RAB38: variants seen among roughly 807,000 people sequenced by gnomAD.
RAB38 encodes the protein ras-related protein Rab-38.
Under a neutral mutation model 18.4 loss-of-function variants are expected in RAB38, and 15 were observed. The observed-to-expected ratio is 0.82, with a 90% CI of 0.55 to 1.26. The LOEUF (loss-of-function observed/expected upper bound fraction) is 1.26. Ranked by LOEUF, RAB38 falls within the 50% of genes most tolerant of loss-of-function variation. The pLI, the probability that RAB38 is intolerant of heterozygous loss-of-function variation, is 0.00. For missense variants in RAB38, 294 were observed against 267.4 expected (o/e 1.10, Z -0.69); for synonymous variants, 101 against 104.4 (o/e 0.97, Z 0.20).
At chr11:88,114,464 T>G (rs966744505) in intron 2 of RAB38, among the ~76,000 whole-genome samples, 2 of 152,246 alleles carry the variant, frequency 1.3e-5, no homozygotes, top group Admixed American at 6.5e-5. Flanking sequence ...AGAAGAAACA[T>G]AAACCTTTAA....
chr11:87,918,295 A>G, the RAB38 span, among the ~76,000 whole-genome samples: 1 of 152,248 alleles, frequency 6.6e-6, no homozygotes, highest in Admixed American at 6.5e-5. Flanking sequence ...TCACTGATGA[A>G]CACTTAGATT....
intron 2 of RAB38, among the ~76,000 whole-genome samples, chr11:88,120,349 C>T (rs996639087): frequency 7.2e-5 from 11 of 152,174 alleles, no homozygotes; most frequent in African/African-American, 2.4e-4. Flanking sequence ...TTGCTCTCTT[C>T]TTAGAGTCTA....
At chr11:87,883,775 A>C in the RAB38 span, among the ~76,000 whole-genome samples, 2 of 152,082 alleles carry the variant, frequency 1.3e-5, no homozygotes, top group Admixed American at 1.3e-4. Context: ...AGCTATTAGA[A>C]GGTGTCATGA....
At chr11:87,839,177 T>G in the RAB38 span, among the ~76,000 whole-genome samples, 1 of 152,232 alleles carries the variant, frequency 6.6e-6, no homozygotes, top group Non-Finnish European at 1.5e-5. Flanking sequence ...AGTGCTTTTA[T>G]TGTCTCTACC....
chr11:88,047,726 C>T, the RAB38 span, among the ~76,000 whole-genome samples: 1 of 152,176 alleles, frequency 6.6e-6, no homozygotes, highest in South Asian at 2.1e-4. Context: ...CACCAGATCC[C>T]ATTGCTCAGG....
chr11:87,876,960 G>C, the RAB38 span, among the ~76,000 whole-genome samples: 1 of 151,532 alleles, frequency 6.6e-6, no homozygotes. Flanking sequence ...GGCATTAGAA[G>C]AAATCTTAAA....
chr11:87,895,766 G>A, the RAB38 span, among the ~76,000 whole-genome samples: 3 of 151,518 alleles, frequency 2.0e-5, no homozygotes, highest in Non-Finnish European at 4.4e-5. Context: ...TGGCCACTGA[G>A]CCACAAAAAA....
the RAB38 span, among the ~76,000 whole-genome samples, chr11:87,888,447 A>G: frequency 1.3e-5 from 2 of 152,068 alleles, no homozygotes; most frequent in African/African-American, 4.8e-5. Flanking sequence ...TCCTAGTTCT[A>G]TCACTCTTTA....
chr11:87,864,694 T>G, the RAB38 span, among the ~76,000 whole-genome samples: 1 of 151,928 alleles, frequency 6.6e-6, no homozygotes, highest in Admixed American at 6.6e-5. Flanking sequence ...ATGATACCAG[T>G]TATTTGGAAT....
the RAB38 span, among the ~76,000 whole-genome samples, chr11:88,031,588 GACAA>G: frequency 1.3e-5 from 2 of 151,716 alleles, no homozygotes; most frequent in Admixed American, 6.6e-5. Context: ...ACCAATAACA[GACAA>G]ACAGAGAGCC....
Position 88,114,045 on chromosome 11 carries a change from C to T in RAB38, c.579G>A (p.Val193=). The T allele has an allele frequency of 6.2e-7, 1 of 1,614,184 alleles. No homozygotes were observed. The highest frequency in any genetic ancestry group is 1.7e-5 in the Admixed American group (1 of 60,016). ...DLMESIEPDV[V]KPHLTSTKVA... ...CCTTGGTTGATGTGAGATGGGGCTTCACGACGTCCGGCTCAATAGACTCCA... is the reference window on the plus strand; with the variant it reads ...CCTTGGTTGATGTGAGATGGGGCTTTACGACGTCCGGCTCAATAGACTCCA... Residue 193 remains valine (V), a synonymous_variant, in exon 3 of 3, where the codon GTG becomes GTA. Transcript: ENST00000243662.
chr11:88,154,820 A>C (rs1412482532), intron 1 of RAB38, among the ~76,000 whole-genome samples: 3 of 152,100 alleles, frequency 2.0e-5, no homozygotes, highest in Non-Finnish European at 4.4e-5. Context: ...TCTGGCCACC[A>C]CACCTGTCCT....
the RAB38 span, among the ~76,000 whole-genome samples, chr11:88,067,959 T>TTA: frequency 7.4e-6 from 1 of 134,352 alleles, no homozygotes; most frequent in African/African-American, 2.9e-5. Flanking sequence ...ATATATATAC[T>TTA]TATATATATA....
chr11:87,813,513 A>T, the RAB38 span, among the ~76,000 whole-genome samples: 2 of 151,786 alleles, frequency 1.3e-5, no homozygotes, highest in Non-Finnish European at 2.9e-5. Context: ...ACACACACAC[A>T]CACACACACA....
At chr11:88,075,380 A>T in the RAB38 span, among the ~76,000 whole-genome samples, 1 of 152,348 alleles carries the variant, frequency 6.6e-6, no homozygotes, top group South Asian at 2.1e-4. Context: ...ATCAGAAATC[A>T]ATAAAAAAGA....
At chr11:88,043,677 G>A in the RAB38 span, among the ~76,000 whole-genome samples, 6 of 120,444 alleles carry the variant, frequency 5.0e-5, no homozygotes, top group African/African-American at 9.3e-5. Context: ...CTTATAAAAT[G>A]TCCCCACCCC....
At chr11:87,825,667 A>G in the RAB38 span, among the ~76,000 whole-genome samples, 5 of 152,144 alleles carry the variant, frequency 3.3e-5, no homozygotes, top group African/African-American at 9.7e-5. Flanking sequence ...TTTTTGGTGA[A>G]CACAACTCAG....
the RAB38 span, among the ~76,000 whole-genome samples, chr11:87,860,702 A>C: frequency 1.3e-5 from 2 of 151,988 alleles, no homozygotes; most frequent in African/African-American, 4.8e-5. Context: ...TACAAATGAA[A>C]AAAACTTCAA....
At chr11:88,060,506 G>A in the RAB38 span, among the ~76,000 whole-genome samples, 5 of 152,112 alleles carry the variant, frequency 3.3e-5, no homozygotes, top group African/African-American at 4.8e-5. Flanking sequence ...TGGTAGATAG[G>A]TGTCAGGGAG....
Sources: gnomAD v4.1 joint callset for allele counts (sites outside exome capture counted in the v4.1 genomes callset) on GRCh38, gnomAD v4.1.1 for gene constraint, MANE v1.5 for transcripts, NCBI Gene and HGNC (gene_info 2026-07-23, HGNC 2026-07-21) for gene names.